The following TTC28 variants were observed in gnomAD, a reference collection of about 807,000 sequenced individuals.
TTC28 encodes the protein tetratricopeptide repeat protein 28.
A neutral mutation model predicts 198.0 loss-of-function variants in TTC28; 61 were observed. The ratio of observed to expected loss-of-function variants is 0.31; its 90% confidence interval spans 0.25 to 0.38. The LOEUF (loss-of-function observed/expected upper bound fraction) is 0.38. TTC28 is among the 10% of genes least tolerant of loss of function. The probability of loss-of-function intolerance (pLI) is 1.00; values close to 1 mark genes in which losing one functional copy is unlikely to be tolerated. For synonymous variants in TTC28, 1,171 were observed against 1,297.8 expected, an observed-to-expected ratio of 0.90 and a Z score of 2.10; for missense variants, 2,678 against 3,164.0, an observed-to-expected ratio of 0.85 and a Z score of 3.69.
At chr22:28,475,551 T>C (rs1730123440) in intron 2 of TTC28, among the ~76,000 whole-genome samples, 1 of 152,200 alleles carries the variant, frequency 6.6e-6, no homozygotes, top group African/African-American at 2.4e-5. Context: ...TACTCAAGGA[T>C]GCACTTTACT....
chr22:28,260,168 T>C (rs1269296553), intron 5 of TTC28, among the ~76,000 whole-genome samples: 1 of 152,170 alleles, frequency 6.6e-6, no homozygotes. Context: ...AAGCATAATA[T>C]CACAGGACAT....
intron 2 of TTC28, among the ~76,000 whole-genome samples, chr22:28,417,246 A>AT (rs2047180101): frequency 1.3e-5 from 2 of 148,966 alleles, no homozygotes. Context: ...GGAGGATCAC[A>AT]TCAGCCCAGG....
At chr22:27,993,633 C>T (rs1232340124) in intron 17 of TTC28, 115 bp from the exon 18 acceptor site, 20 of 1,063,864 alleles carry the variant, frequency 1.9e-5, no homozygotes, top group African/African-American at 1.6e-5. Flanking sequence ...TGCAACCCCA[C>T]ATAGCCCACG....
At chr22:28,105,897 A>C (rs973998271) in intron 7 of TTC28, 95 bp from the exon 8 acceptor site, 2 of 1,389,088 alleles carry the variant, frequency 1.4e-6, no homozygotes, top group African/African-American at 2.9e-5. Context: ...TGTCACTGTC[A>C]CTTACTATAG....
intron 2 of TTC28, among the ~76,000 whole-genome samples, chr22:28,593,466 T>C (rs2050474043): frequency 7.3e-6 from 1 of 137,450 alleles, no homozygotes; most frequent in African/African-American, 2.7e-5. Flanking sequence ...GATAGGTAGG[T>C]AGCTAGGTAG....
intron 5 of TTC28, among the ~76,000 whole-genome samples, chr22:28,178,494 G>A (rs1489506914): frequency 1.3e-5 from 2 of 151,904 alleles, no homozygotes; most frequent in African/African-American, 4.8e-5. Context: ...AGGGGAGGGG[G>A]AGGTAATTTG....
intron 5 of TTC28, among the ~76,000 whole-genome samples, chr22:28,230,615 TAC>T (rs1293068379): frequency 6.6e-6 from 1 of 152,218 alleles, no homozygotes; most frequent in Non-Finnish European, 1.5e-5. Context: ...TTCCCTGAAT[TAC>T]ACAGATGTTT....
intron 13 of TTC28, among the ~76,000 whole-genome samples, chr22:28,023,306 A>G (rs1346905457): frequency 6.6e-6 from 1 of 152,230 alleles, no homozygotes; most frequent in Non-Finnish European, 1.5e-5. Flanking sequence ...TACTGTAACA[A>G]GTATGAGGCT....
intron 5 of TTC28, among the ~76,000 whole-genome samples, chr22:28,208,258 A>G (rs1053831101): frequency 2.6e-5 from 4 of 152,166 alleles, no homozygotes; most frequent in African/African-American, 9.7e-5. Context: ...AGTCAAGCCT[A>G]ATGGTGCCTT....
chr22:27,988,061 TA>T (rs910246819), intron 21 of TTC28, among the ~76,000 whole-genome samples: 6 of 150,678 alleles, frequency 4.0e-5, no homozygotes, highest in African/African-American at 1.2e-4. Flanking sequence ...CAAAAAAAGT[TA>T]AAAAAAAATA....
intron 12 of TTC28, among the ~76,000 whole-genome samples, chr22:28,056,941 G>A (rs1028383804): frequency 7.2e-5 from 11 of 151,988 alleles, no homozygotes; most frequent in East Asian, 1.9e-4. Context: ...AGTATTTTTC[G>A]GATTCATCCA....
At chr22:28,382,843 C>A (rs1473989812) in intron 2 of TTC28, among the ~76,000 whole-genome samples, 1 of 152,090 alleles carries the variant, frequency 6.6e-6, no homozygotes, top group Non-Finnish European at 1.5e-5. Flanking sequence ...TATGTATGCA[C>A]CTAATAACAG....
At chr22:28,283,548 T>C (rs2044624907) in intron 5 of TTC28, among the ~76,000 whole-genome samples, 1 of 152,118 alleles carries the variant, frequency 6.6e-6, no homozygotes, top group Non-Finnish European at 1.5e-5. Context: ...GAAGGCTCAA[T>C]TTTCTCACAA....
intron 2 of TTC28, among the ~76,000 whole-genome samples, chr22:28,519,459 A>G (rs1432658158): frequency 1.3e-5 from 2 of 152,232 alleles, no homozygotes; most frequent in Non-Finnish European, 2.9e-5. Flanking sequence ...CTCTCTACTT[A>G]TAAGATAAAA....
chr22:28,477,512 GA>G (rs1160389756), intron 2 of TTC28, among the ~76,000 whole-genome samples: 4 of 151,962 alleles, frequency 2.6e-5, no homozygotes, highest in African/African-American at 7.3e-5. Context: ...AAAATACAAG[GA>G]AAAAAAGACA....
chr22:28,172,624 G>A (rs899351977), intron 5 of TTC28, among the ~76,000 whole-genome samples: 1 of 152,208 alleles, frequency 6.6e-6, no homozygotes, highest in African/African-American at 2.4e-5. Context: ...CCCCTCTGGG[G>A]TGTGGGAGAA....
At chr22:28,479,407 C>T (rs2048214315) in intron 2 of TTC28, among the ~76,000 whole-genome samples, 1 of 152,146 alleles carries the variant, frequency 6.6e-6, no homozygotes, top group South Asian at 2.1e-4. Flanking sequence ...CACATATATC[C>T]TCACAACTAA....
intron 12 of TTC28, among the ~76,000 whole-genome samples, chr22:28,085,369 A>T (rs1248862893): frequency 1.3e-5 from 2 of 152,188 alleles, no homozygotes; most frequent in East Asian, 3.9e-4. Flanking sequence ...ACATTCTTAA[A>T]GAAAAGAATT....
chr22:28,234,995 G>A lies in TTC28; in HGVS notation c.933+61203C>T, dbSNP rs148650447. ...GCCAAGGAAGGGGACTTTTTGATAC[G>A]CAGAATTACGAGGTTGAGTCATATA... On this transcript the variant is annotated intron_variant, in intron 5 of 22. Coordinates refer to ENST00000397906, the MANE Select transcript of TTC28 (RefSeq NM_001145418.2). Among the ~76,000 whole-genome samples, 301 of 152,218 alleles carry A rather than the reference G, an allele frequency of 2.0e-3. 1 individual carries two copies. Among genetic ancestry groups the A allele is most frequent in the Middle Eastern group, 6.8e-3 (2 of 292 alleles).
Sources: gnomAD v4.1 joint callset for allele counts (sites outside exome capture counted in the v4.1 genomes callset) on GRCh38, gnomAD v4.1.1 for gene constraint, MANE v1.5 for transcripts, NCBI Gene and HGNC (gene_info 2026-07-23, HGNC 2026-07-21) for gene names.